The following BMP2 variants were observed in gnomAD, a reference collection of about 807,000 sequenced individuals.
BMP2 encodes the protein bone morphogenetic protein 2.
BMP2 carries 2 observed loss-of-function variants against 28.8 expected under a neutral mutation model. The observed-to-expected ratio is 0.07, with a 90% CI of 0.03 to 0.22. BMP2 has a LOEUF of 0.22. Ranked by LOEUF, BMP2 falls within the 10% of genes least tolerant of loss-of-function variation. BMP2 has a pLI of 1.00. For synonymous variants in BMP2, 218 were observed against 204.3 expected, an observed-to-expected ratio of 1.07 and a Z score of -0.57; for missense variants, 437 against 517.7, an observed-to-expected ratio of 0.84 and a Z score of 1.51.
chr20:6,776,338 A>T (rs1382729436), intron 2 of BMP2, among the ~76,000 whole-genome samples: 2 of 152,138 alleles, frequency 1.3e-5, no homozygotes, highest in African/African-American at 4.8e-5. Flanking sequence ...TACTCCCCAT[A>T]TCCACGTAGA....
chr20:6,771,952 G>A (rs1158292856), intron 2 of BMP2, among the ~76,000 whole-genome samples: 2 of 152,068 alleles, frequency 1.3e-5, no homozygotes. Flanking sequence ...ATGCTGATTA[G>A]AATACTTTTT....
chr20:6,769,623 G>A (rs1167789455), intron 1 of BMP2, among the ~76,000 whole-genome samples: 1 of 148,474 alleles, frequency 6.7e-6, no homozygotes. Flanking sequence ...GTGTGTGTGT[G>A]TGTGTGTGTG....
rs769591437 is a variant in BMP2, at chr20:6,778,270, G to A, written c.372G>A (p.Thr124=). The A allele has an allele frequency of 6.3e-6, 10 of 1,597,312 alleles. No individual in the cohort carries two copies. The highest frequency in any genetic ancestry group is 2.7e-5 in the African/African-American group (2 of 73,776). ...HEESLEELPE[T]SGKTTRRFFF... ...AATCTTTGGAAGAACTACCAGAAAC[G>A]AGTGGGAAAACAACCCGGAGATTCT... Residue 124 remains threonine (T), a synonymous_variant, in exon 3 of 3, where the codon ACG becomes ACA. Coordinates refer to ENST00000378827, the MANE Select transcript of BMP2 (RefSeq NM_001200.4). The surrounding 1 kb of genome is among the most constrained non-coding windows in gnomAD (Gnocchi z 5.0).
At chr20:6,769,633 G>T (rs13044544) in intron 1 of BMP2, among the ~76,000 whole-genome samples, 5 of 151,138 alleles carry the variant, frequency 3.3e-5, no homozygotes, top group South Asian at 2.1e-4. Flanking sequence ...GTGTGTGTGT[G>T]TGTGTGTGTG....
Position 6,779,547 on chromosome 20 carries a change from G to A in BMP2, c.*458G>A, listed in dbSNP as rs1445419769. On this transcript the variant is annotated 3_prime_UTR_variant, in exon 3 of 3. Transcript: ENST00000378827. ...TTAAGATGAAAAGTCTACATGGAAG[G>A]TTACTCTGGCAAAGTGCTTAGCACG... 1 of 152,552 alleles carries A rather than the reference G, an allele frequency of 6.6e-6. No homozygotes were observed. Among genetic ancestry groups the A allele is most frequent in the African/African-American group, 2.4e-5 (1 of 41,404 alleles). 9.4% of individuals were successfully genotyped at this position (152,552 alleles called of 1,614,324 possible).
rs768908839 is a variant in BMP2 at position 6,778,521 on chromosome 20, A to T, written c.623A>T (p.Asp208Val). The T allele has an allele frequency of 6.2e-7, 1 of 1,614,164 alleles. No homozygotes were observed. Among genetic ancestry groups the T allele is most frequent in the Non-Finnish European group, 8.5e-7 (1 of 1,180,028 alleles). ...NQNASRWESFDVTPAVMRWTA... is the reference protein window; with the variant it reads ...NQNASRWESFVVTPAVMRWTA... ...AATGCAAGCAGGTGGGAAAGTTTTG[A>T]TGTCACCCCCGCTGTGATGCGGTGG... Residue 208 changes from aspartate (D) to valine (V), a missense_variant, in exon 3 of 3, where the codon GAT (aspartate) becomes GTT (valine). By Grantham distance (152) the Asp-to-Val change is radical. Transcript: ENST00000378827. This position sits in a 1 kb window ranked among gnomAD's most constrained non-coding sequence, Gnocchi z 5.0.
At chr20:6,772,429 G>A (rs1817221944) in intron 2 of BMP2, among the ~76,000 whole-genome samples, 1 of 152,150 alleles carries the variant, frequency 6.6e-6, no homozygotes, top group Non-Finnish European at 1.5e-5. Flanking sequence ...GTCTCATTAT[G>A]ACTAATATAT....
intron 2 of BMP2, among the ~76,000 whole-genome samples, chr20:6,775,050 G>A (rs983509729): frequency 6.6e-6 from 1 of 152,140 alleles, no homozygotes; most frequent in Non-Finnish European, 1.5e-5. Context: ...ACAAACTCGG[G>A]TCAAAGACAG....
rs761634402 is a variant in BMP2, at chr20:6,770,213, C to A, written c.87C>A (p.Gly29=). 5.6e-6 allele frequency: 9 copies of A among 1,595,536 alleles called. No individual in the cohort carries two copies. The highest frequency in any genetic ancestry group is 1.7e-4 in the Middle Eastern group (1 of 6,042). The change falls in exon 2 of 3, where the codon GGC becomes GGA. Residue 29 remains glycine (G), a synonymous_variant. Transcript: ENST00000378827. ...CGGCTGGCCTCGTTCCGGAGCTGGG[C>A]CGCAGGAAGTTCGCGGCGGCGTCGT... The part of the protein sequence containing the change: ...GGAAGLVPEL[G]RRKFAAASSG...
intron 2 of BMP2, among the ~76,000 whole-genome samples, chr20:6,776,470 A>C (rs894534269): frequency 1.3e-5 from 2 of 152,218 alleles, no homozygotes; most frequent in Admixed American, 6.5e-5. Flanking sequence ...ATTATTTAAC[A>C]AAAAGGCACT....
chr20:6,767,874 G>C lies in BMP2; in HGVS notation c.-1009G>C. 2.8e-6 allele frequency: 1 copy of C among 359,114 alleles called. No individual in the cohort carries two copies. The highest frequency in any genetic ancestry group is 5.0e-6 in the Non-Finnish European group (1 of 201,230). The allele number at this position is 359,114 out of a possible 1,614,324, so 22.2% of individuals were successfully genotyped here. On this transcript the variant is annotated 5_prime_UTR_variant, in exon 1 of 3. Coordinates refer to ENST00000378827, the MANE Select transcript of BMP2 (RefSeq NM_001200.4). ...AGCGCCGAGTGGATCACCGGGGACCGCGAGGCACCCGCGCGCCGCAGACCC... is the reference window on the plus strand; with the variant it reads ...AGCGCCGAGTGGATCACCGGGGACCCCGAGGCACCCGCGCGCCGCAGACCC...
rs1230653939 is a variant in BMP2, at chr20:6,768,115, C to T, written c.-768C>T. On this transcript the variant is annotated 5_prime_UTR_variant, in exon 1 of 3. Coordinates refer to ENST00000378827, the MANE Select transcript of BMP2 (RefSeq NM_001200.4). ...CAGGCTAGCCACAAAGGGCACTTGG[C>T]CCCAGGGCTAGGAGAGCGAGGGGAG... 7.5e-6 allele frequency: 3 copies of T among 398,108 alleles called. No homozygotes were observed. Among genetic ancestry groups the T allele is most frequent in the African/African-American group, 6.2e-5 (3 of 48,606 alleles). The allele number at this position is 398,108 out of a possible 1,614,324, so 24.7% of individuals were successfully genotyped here.
intron 2 of BMP2, among the ~76,000 whole-genome samples, chr20:6,771,700 T>C (rs946417032): frequency 9.2e-5 from 14 of 152,246 alleles, no homozygotes; most frequent in African/African-American, 3.4e-4. Flanking sequence ...TTGAGGCAGC[T>C]ACACATTACG....
chr20:6,773,939 A>G (rs1272585717), intron 2 of BMP2, among the ~76,000 whole-genome samples: 31 of 152,204 alleles, frequency 2.0e-4, no homozygotes, highest in Non-Finnish European at 1.5e-5. Flanking sequence ...GCATAACGGT[A>G]ACTTACTTTT....
At position 6,779,677 on chromosome 20, in the gene BMP2, C is replaced by A. The variant is rs1381660839; in HGVS notation, c.*588C>A. On this transcript the variant is annotated 3_prime_UTR_variant, in exon 3 of 3. Coordinates refer to ENST00000378827, the MANE Select transcript of BMP2 (RefSeq NM_001200.4). ...TTCAAGATTATTATATTATTCAATT[C>A]TCAGGAATGTTGCAGAGTGATTGTC... The A allele has an allele frequency of 6.6e-6, 1 of 152,612 alleles. No homozygotes were observed. The highest frequency in any genetic ancestry group is 6.5e-5 in the Admixed American group (1 of 15,282). The allele number at this position is 152,612 out of a possible 1,614,324, so 9.5% of individuals were successfully genotyped here.
chr20:6,779,518 G>A lies in BMP2; in HGVS notation c.*429G>A, dbSNP rs967247749. The A allele has an allele frequency of 2.6e-5, 4 of 152,584 alleles. No individual in the cohort carries two copies. The highest frequency in any genetic ancestry group is 9.7e-5 in the African/African-American group (4 of 41,420). The allele number at this position is 152,584 out of a possible 1,614,324, so 9.5% of individuals were successfully genotyped here. On this transcript the variant is annotated 3_prime_UTR_variant, in exon 3 of 3. Coordinates refer to ENST00000378827, the MANE Select transcript of BMP2 (RefSeq NM_001200.4). ...AAATTGTAGTTGTTTTCAGTTGTGT[G>A]TATTTAAGATGAAAAGTCTACATGG...
chr20:6,773,552 T>G (rs1026238938), intron 2 of BMP2, among the ~76,000 whole-genome samples: 2 of 152,232 alleles, frequency 1.3e-5, no homozygotes, highest in Non-Finnish European at 2.9e-5. Context: ...TTAGACTTGC[T>G]CTTTGTGTAT....
At position 6,778,426 on chromosome 20, in the gene BMP2, C is replaced by G. The variant is rs1286844558; in HGVS notation, c.528C>G (p.Ile176Met). 6.2e-7 allele frequency: 1 copy of G among 1,614,172 alleles called. No homozygotes were observed. The highest frequency in any genetic ancestry group is 1.1e-5 in the South Asian group (1 of 91,080). The change falls in exon 3 of 3, where the codon ATC (isoleucine) becomes ATG (methionine). Residue 176 changes from isoleucine to methionine, a missense_variant. By Grantham distance (10) the Ile-to-Met change is conservative. Around this residue, in one of 2 missense-constraint regions of BMP2, gnomAD observed 363 missense variants for 392.8 expected, o/e 0.92. Coordinates refer to ENST00000378827, the MANE Select transcript of BMP2 (RefSeq NM_001200.4). This position sits in a 1 kb window ranked among gnomAD's most constrained non-coding sequence, Gnocchi z 5.0. ...ATCACCGAATTAATATTTATGAAAT[C>G]ATAAAACCTGCAACAGCCAACTCGA... ...SFHHRINIYEIIKPATANSKF... is the reference protein window; with the variant it reads ...SFHHRINIYEMIKPATANSKF...
In BMP2 at chr20:6,768,820, C is replaced by G; in HGVS notation, c.-63C>G. 1 of 397,990 alleles carries G rather than the reference C, an allele frequency of 2.5e-6. No homozygotes were observed. Among genetic ancestry groups the G allele is most frequent in the Non-Finnish European group, 4.4e-6 (1 of 225,734 alleles). 24.7% of individuals were successfully genotyped at this position (397,990 alleles called of 1,614,324 possible). On this transcript the variant is annotated 5_prime_UTR_variant, in exon 1 of 3. Transcript: ENST00000378827. ...TGACCAGAGTTTTTCCATGTGGACG[C>G]TCTTTCAATGGACGTGTCCCCGCGT...
Sources: gnomAD v4.1 joint callset for allele counts (sites outside exome capture counted in the v4.1 genomes callset) on GRCh38, gnomAD v4.1.1 for gene constraint, gnomAD v4.1.1 regional missense constraint, Gnocchi (gnomAD v3.1) non-coding constraint, MANE v1.5 for transcripts, NCBI Gene and HGNC (gene_info 2026-07-23, HGNC 2026-07-21) for gene names.